The following EXTL3 variants were observed in gnomAD, a reference collection of about 807,000 sequenced individuals.
EXTL3 encodes the protein exostosin like glycosyltransferase 3.
A neutral mutation model predicts 69.3 loss-of-function variants in EXTL3; 27 were observed. The ratio of observed to expected loss-of-function variants is 0.39; its 90% confidence interval spans 0.29 to 0.54. The LOEUF (loss-of-function observed/expected upper bound fraction) is 0.54. Among genes scored for constraint, EXTL3 ranks in the 20% least tolerant of loss-of-function variants. The pLI is 0.69. For synonymous variants in EXTL3, 511 were observed against 499.4 expected (o/e 1.02, Z -0.31); for missense variants, 1,003 against 1,231.8 (o/e 0.81, Z 2.78).
intron 1 of EXTL3, among the ~76,000 whole-genome samples, chr8:28,682,860 C>A (rs1277474400): frequency 6.6e-6 from 1 of 152,194 alleles, no homozygotes; most frequent in Admixed American, 6.5e-5. Context: ...AGCTTTTCTC[C>A]TGTGTTTTCT....
chr8:28,707,324 G>A (rs1454663855), intron 1 of EXTL3, among the ~76,000 whole-genome samples: 2 of 152,148 alleles, frequency 1.3e-5, no homozygotes, highest in Non-Finnish European at 2.9e-5. Context: ...TCCTATCCTT[G>A]GTGATACACC....
chr8:28,739,156 G>T (rs1296379104), intron 5 of EXTL3, among the ~76,000 whole-genome samples: 1 of 152,072 alleles, frequency 6.6e-6, no homozygotes, highest in Non-Finnish European at 1.5e-5. Context: ...ATATTTCATT[G>T]TTTCCAGCAT....
At chr8:28,672,365 C>G (rs1440447341) in intron 1 of EXTL3, among the ~76,000 whole-genome samples, 1 of 133,004 alleles carries the variant, frequency 7.5e-6, no homozygotes, top group Non-Finnish European at 1.5e-5. Flanking sequence ...TTGCAGTGAG[C>G]CGAGATCGTG....
At chr8:28,679,587 ATAGCTAGG>A (rs1197641562) in intron 1 of EXTL3, among the ~76,000 whole-genome samples, 2 of 151,658 alleles carry the variant, frequency 1.3e-5, no homozygotes, top group East Asian at 3.9e-4. Flanking sequence ...AAAACTAAAC[ATAGCTAGG>A]TGTCGTGAGG....
chr8:28,608,643 A>C (rs1806234776), intron 2 of EXTL3, among the ~76,000 whole-genome samples: 1 of 151,986 alleles, frequency 6.6e-6, no homozygotes, highest in Non-Finnish European at 1.5e-5. Context: ...CGGGGGGATC[A>C]CTTGAGCTCA....
intron 1 of EXTL3, among the ~76,000 whole-genome samples, chr8:28,641,347 C>T (rs1806739345): frequency 6.6e-6 from 1 of 152,094 alleles, no homozygotes; most frequent in South Asian, 2.1e-4. Context: ...TGGAGCAGTC[C>T]ATTATGAAAC....
intron 1 of EXTL3, among the ~76,000 whole-genome samples, chr8:28,693,499 A>C (rs1397427001): frequency 2.0e-5 from 3 of 151,738 alleles, no homozygotes; most frequent in Non-Finnish European, 4.4e-5. Context: ...TGAAACTTGA[A>C]TGTTTATTTT....
intron 1 of EXTL3, among the ~76,000 whole-genome samples, chr8:28,664,862 T>G (rs1807170196): frequency 1.3e-5 from 2 of 152,118 alleles, no homozygotes; most frequent in Non-Finnish European, 2.9e-5. Context: ...CAGTGGACAT[T>G]GTAATCTGAA....
chr8:28,742,753 T>G (rs547004229), intron 5 of EXTL3: 12 of 280,054 alleles, frequency 4.3e-5, no homozygotes, highest in Admixed American at 9.6e-5. Flanking sequence ...TTTTGGCCAT[T>G]GTTAGAGATA....
intron 1 of EXTL3, among the ~76,000 whole-genome samples, chr8:28,648,062 A>G (rs962016543): frequency 1.3e-5 from 2 of 152,072 alleles, no homozygotes; most frequent in African/African-American, 4.8e-5. Flanking sequence ...TGTACACTGC[A>G]CAGTGTTGTA....
intron 3 of EXTL3, among the ~76,000 whole-genome samples, chr8:28,720,783 G>A (rs1476403564): frequency 1.3e-5 from 2 of 152,162 alleles, no homozygotes; most frequent in Non-Finnish European, 2.9e-5. Flanking sequence ...GTGAGTGTCT[G>A]CTCTCTCCCT....
chr8:28,684,145 T>C (rs1807539213), intron 1 of EXTL3, among the ~76,000 whole-genome samples: 1 of 152,222 alleles, frequency 6.6e-6, no homozygotes, highest in Non-Finnish European at 1.5e-5. Flanking sequence ...CCCTTGTGTA[T>C]ATGCACCACA....
At chr8:28,659,408 GATTAAGCCA>G (rs1427987379) in intron 1 of EXTL3, among the ~76,000 whole-genome samples, 1 of 152,160 alleles carries the variant, frequency 6.6e-6, no homozygotes, top group Non-Finnish European at 1.5e-5. Flanking sequence ...TCATTTGGGA[GATTAAGCCA>G]ATTAAACTTG....
chr8:28,611,022 C>T (rs764856413), intron 2 of EXTL3, among the ~76,000 whole-genome samples: 7 of 152,208 alleles, frequency 4.6e-5, no homozygotes, highest in African/African-American at 9.6e-5. Flanking sequence ...GGATTACAGG[C>T]GTCAGCCACT....
intron 3 of EXTL3, among the ~76,000 whole-genome samples, chr8:28,730,742 G>A (rs764561968): frequency 2.6e-5 from 4 of 152,062 alleles, no homozygotes; most frequent in Non-Finnish European, 4.4e-5. Context: ...AACTAATCTC[G>A]ACCAGATGGG....
intron 1 of EXTL3, among the ~76,000 whole-genome samples, chr8:28,669,604 G>A (rs930392743): frequency 1.3e-4 from 20 of 152,168 alleles, no homozygotes; most frequent in Non-Finnish European, 2.8e-4. Context: ...TTTTGTAGTA[G>A]CTCACATAGA....
At chr8:28,691,625 C>T (rs867588769) in intron 1 of EXTL3, among the ~76,000 whole-genome samples, 1 of 139,468 alleles carries the variant, frequency 7.2e-6, no homozygotes. Context: ...TGGCCGGGCA[C>T]GGTGGCTCAC....
upstream of EXTL3, chr8:28,699,626 A>C (rs1800744814): frequency 6.6e-6 from 1 of 152,418 alleles, no homozygotes; most frequent in Non-Finnish European, 1.5e-5. Context: ...CTCCTGCCTC[A>C]GCCTCCTGAG....
chr8:28,725,378 C>T (rs1167611629), intron 3 of EXTL3, among the ~76,000 whole-genome samples: 2 of 152,040 alleles, frequency 1.3e-5, no homozygotes, highest in Non-Finnish European at 2.9e-5. Context: ...GGGCATTGCT[C>T]CTGGCTTGAT....
Sources: gnomAD v4.1 joint callset for allele counts (sites outside exome capture counted in the v4.1 genomes callset) on GRCh38, gnomAD v4.1.1 for gene constraint, MANE v1.5 for transcripts, NCBI Gene and HGNC (gene_info 2026-07-23, HGNC 2026-07-21) for gene names.